Variants in TEC observed in about 807,000 individuals in gnomAD.
TEC encodes the protein tec protein tyrosine kinase, also known as tyrosine-protein kinase Tec.
In TEC, 72 loss-of-function variants were observed where a neutral mutation model predicts 93.0. The observed-to-expected ratio is 0.77, with a 90% CI of 0.64 to 0.94. TEC has a LOEUF of 0.94. Among genes scored for constraint, TEC ranks in the 40% least tolerant of loss-of-function variants. The pLI is 0.00. For missense variants in TEC, 630 were observed against 757.9 expected, an observed-to-expected ratio of 0.83 and a Z score of 1.98; for synonymous variants, 249 against 247.7, an observed-to-expected ratio of 1.01 and a Z score of -0.05.
At chr4:48,241,822 TTCAC>T (rs58422014) in intron 1 of TEC, among the ~76,000 whole-genome samples, 18,670 of 152,186 alleles carry the variant, frequency 0.12, 1,415 homozygotes, top group East Asian at 0.24. Context: ...TTTCCTCTTC[TTCAC>T]TCAACCATCT....
intron 17 of TEC, among the ~76,000 whole-genome samples, chr4:48,138,300 G>T (rs1220447068): frequency 6.6e-6 from 1 of 152,146 alleles, no homozygotes; most frequent in South Asian, 2.1e-4. Flanking sequence ...GAAAGTTGAG[G>T]TTTAGAGAAA....
intron 5 of TEC, among the ~76,000 whole-genome samples, chr4:48,169,019 T>C (rs975483017): frequency 4.6e-5 from 7 of 152,176 alleles, no homozygotes; most frequent in African/African-American, 1.7e-4. Flanking sequence ...GGCTGACACA[T>C]GGCTACCCAA....
intron 8 of TEC, 128 bp downstream of exon 8, chr4:48,163,574 T>C (rs1720759878): frequency 3.2e-6 from 2 of 620,846 alleles, no homozygotes; most frequent in Non-Finnish European, 5.5e-6. Flanking sequence ...GGCAATTGAG[T>C]TAAGGATATT....
In TEC at chr4:48,138,627, T is replaced by C. The variant is rs748782120; in HGVS notation, c.1812+38A>G. On this transcript the variant is annotated intron_variant, in intron 17 of 17. Transcript: ENST00000381501. ...TTATCCATCTACCAAGCCCAATCCC[T>C]AAGAGATTCAAAAAGAAAGCACACA... 4 of 1,572,864 alleles carry C rather than the reference T, an allele frequency of 2.5e-6. No individual in the cohort carries two copies. The South Asian group carries it at 4.8e-5, about 19-fold the overall frequency.
intron 14 of TEC, 173 bp from the exon 15 acceptor site, chr4:48,141,592 T>C (rs1719669094): frequency 5.5e-6 from 3 of 540,674 alleles, no homozygotes; most frequent in East Asian, 6.1e-5. Context: ...ATTGTGTATT[T>C]GAAAAAAATG....
chr4:48,228,343 C>G lies in TEC; in HGVS notation c.138+134G>C. ...TTTCTATCCATACTCTGAAATTCATCTTTCAAGTCCAAATGATAATAAATC... is the reference window on the plus strand; with the variant it reads ...TTTCTATCCATACTCTGAAATTCATGTTTCAAGTCCAAATGATAATAAATC... On this transcript the variant is annotated intron_variant, in intron 2 of 17. Transcript: ENST00000381501. 4 of 1,000,598 alleles carry G rather than the reference C, an allele frequency of 4.0e-6. No homozygotes were observed. In the South Asian group the frequency reaches 6.7e-5, roughly 17 times the overall value. 62.0% of individuals were successfully genotyped at this position (1,000,598 alleles called of 1,614,324 possible). A position where few individuals can be genotyped will look rare whatever the true frequency, so the allele number is the denominator to read the frequency against.
intron 5 of TEC, among the ~76,000 whole-genome samples, chr4:48,170,018 T>G (rs1721037763): frequency 6.6e-6 from 1 of 152,224 alleles, no homozygotes; most frequent in Non-Finnish European, 1.5e-5. Flanking sequence ...TGGATTCATT[T>G]TGAACAAGAT....
At chr4:48,196,701 G>A (rs574309376) in intron 2 of TEC, among the ~76,000 whole-genome samples, 2 of 152,212 alleles carry the variant, frequency 1.3e-5, no homozygotes, top group South Asian at 2.1e-4. Flanking sequence ...TGAATGAGAT[G>A]TTTCCTCAGG....
intron 2 of TEC, among the ~76,000 whole-genome samples, chr4:48,225,162 T>C (rs563135277): frequency 1.3e-5 from 2 of 152,194 alleles, no homozygotes; most frequent in East Asian, 3.9e-4. Flanking sequence ...GTCACATCCT[T>C]TTTTTCTCTT....
chr4:48,175,813 A>AT, intron 3 of TEC, among the ~76,000 whole-genome samples: 1 of 152,314 alleles, frequency 6.6e-6, no homozygotes, highest in Middle Eastern at 3.4e-3. Flanking sequence ...CAGCCTTTTA[A>AT]TCTCATTTCC....
chr4:48,150,120 T>TAA (rs1346523285), intron 10 of TEC, among the ~76,000 whole-genome samples: 8 of 152,184 alleles, frequency 5.3e-5, no homozygotes, highest in African/African-American at 1.9e-4. Flanking sequence ...CCTCTCTTGC[T>TAA]AAAAATACTT....
At chr4:48,250,548 C>T (rs906899612) in intron 1 of TEC, among the ~76,000 whole-genome samples, 33 of 152,280 alleles carry the variant, frequency 2.2e-4, no homozygotes, top group African/African-American at 5.5e-4. Context: ...AAAACGTGTG[C>T]GTTTGTTTCT....
intron 2 of TEC, among the ~76,000 whole-genome samples, chr4:48,183,598 C>T (rs1560396074): frequency 6.6e-6 from 1 of 152,208 alleles, no homozygotes; most frequent in Admixed American, 6.5e-5. Context: ...GTGCTCCTGG[C>T]TCTCCAGACT....
intron 1 of TEC, among the ~76,000 whole-genome samples, chr4:48,229,412 T>C (rs1723582531): frequency 1.3e-5 from 2 of 152,118 alleles, no homozygotes; most frequent in South Asian, 4.1e-4. Flanking sequence ...CCAAAGACAT[T>C]CAAAAAAGGC....
chr4:48,198,665 C>G (rs1048546863), intron 2 of TEC, among the ~76,000 whole-genome samples: 1 of 152,150 alleles, frequency 6.6e-6, no homozygotes, highest in Non-Finnish European at 1.5e-5. Flanking sequence ...AATAAAAATT[C>G]TATGCTTTTC....
At chr4:48,262,740 C>G (rs1179817199) in intron 1 of TEC, among the ~76,000 whole-genome samples, 2 of 152,180 alleles carry the variant, frequency 1.3e-5, no homozygotes, top group Non-Finnish European at 2.9e-5. Flanking sequence ...AGTATCCCTA[C>G]TAGCCAAGCT....
intron 2 of TEC, among the ~76,000 whole-genome samples, chr4:48,220,522 A>C (rs534075867): frequency 3.9e-5 from 6 of 152,050 alleles, no homozygotes; most frequent in African/African-American, 1.4e-4. Flanking sequence ...TCATCATGGA[A>C]TACACCAGGT....
intron 2 of TEC, among the ~76,000 whole-genome samples, chr4:48,184,943 T>C (rs1235357265): frequency 6.6e-6 from 1 of 152,208 alleles, no homozygotes; most frequent in Non-Finnish European, 1.5e-5. Flanking sequence ...TTGTATTTAG[T>C]TTGTGAACTT....
At chr4:48,193,357 C>T (rs1722161023) in intron 2 of TEC, among the ~76,000 whole-genome samples, 1 of 152,036 alleles carries the variant, frequency 6.6e-6, no homozygotes, top group Non-Finnish European at 1.5e-5. Context: ...TGCTGCAGTT[C>T]TCTCAGACCT....
Sources: allele counts gnomAD v4.1 joint callset (sites outside exome capture counted in the v4.1 genomes callset), GRCh38; gene constraint gnomAD v4.1.1; transcripts MANE v1.5; gene names NCBI Gene and HGNC (gene_info 2026-07-23, HGNC 2026-07-21).